The following MEI4 variants were observed in gnomAD, a reference collection of about 807,000 sequenced individuals.
MEI4 encodes meiosis-specific protein MEI4.
In MEI4, 27 loss-of-function variants were observed where a neutral mutation model predicts 31.4. The ratio of observed to expected loss-of-function variants is 0.86; its 90% CI spans 0.63 to 1.19. The LOEUF is 1.19. MEI4 is among the 50% of genes most tolerant of loss of function. The pLI, the probability that MEI4 is intolerant of heterozygous loss-of-function variation, is 0.00. For synonymous variants in MEI4, 122 were observed against 145.4 expected, an observed-to-expected ratio of 0.84 and a Z score of 1.16; for missense variants, 329 against 398.9, an observed-to-expected ratio of 0.82 and a Z score of 1.49.
intron 1 of MEI4, among the ~76,000 whole-genome samples, chr6:77,681,670 A>C (rs1393759393): frequency 1.3e-5 from 2 of 152,204 alleles, no homozygotes; most frequent in Non-Finnish European, 2.9e-5. Flanking sequence ...TGAAATCAAA[A>C]GGTGTGGGAT....
intron 1 of MEI4, among the ~76,000 whole-genome samples, chr6:77,688,432 T>C (rs1769096214): frequency 6.6e-6 from 1 of 152,110 alleles, no homozygotes; most frequent in Non-Finnish European, 1.5e-5. Context: ...CTGACCTTGA[T>C]ATAGTTACAA....
chr6:77,841,314 CAT>C (rs1315994932), intron 4 of MEI4, among the ~76,000 whole-genome samples: 24 of 51,888 alleles, frequency 4.6e-4, no homozygotes, highest in African/African-American at 2.0e-3. Context: ...CAAATGTGTG[CAT>C]ATATATATAT....
intron 4 of MEI4, among the ~76,000 whole-genome samples, chr6:77,860,549 A>G (rs1770840051): frequency 6.6e-6 from 1 of 152,174 alleles, no homozygotes; most frequent in African/African-American, 2.4e-5. Context: ...TTCCAAGCTC[A>G]CACTTTCTGA....
chr6:77,866,104 C>G (rs193188363), intron 4 of MEI4, among the ~76,000 whole-genome samples: 17 of 151,410 alleles, frequency 1.1e-4, no homozygotes, highest in South Asian at 1.0e-3. Context: ...CTATCTATGA[C>G]AAACCCACAG....
At chr6:77,821,250 T>A (rs1276313805) in intron 3 of MEI4, among the ~76,000 whole-genome samples, 1 of 152,192 alleles carries the variant, frequency 6.6e-6, no homozygotes, top group Non-Finnish European at 1.5e-5. Flanking sequence ...GTCCAATTTT[T>A]AAAAATTTTT....
At chr6:77,885,506 T>C (rs1447734769) in intron 4 of MEI4, among the ~76,000 whole-genome samples, 2 of 152,168 alleles carry the variant, frequency 1.3e-5, no homozygotes, top group African/African-American at 4.8e-5. Flanking sequence ...TAGTGACTTT[T>C]GTACATTGAT....
chr6:77,911,598 G>C (rs1274872582), intron 4 of MEI4, among the ~76,000 whole-genome samples: 1 of 151,626 alleles, frequency 6.6e-6, no homozygotes, highest in Admixed American at 6.6e-5. Context: ...AATTTGCTTA[G>C]GTAATGGCCT....
At chr6:77,696,991 T>G (rs896843892) in intron 2 of MEI4, among the ~76,000 whole-genome samples, 1 of 152,230 alleles carries the variant, frequency 6.6e-6, no homozygotes, top group Non-Finnish European at 1.5e-5. Flanking sequence ...TGGTTTAGTC[T>G]TGGGAGAGTG....
intron 2 of MEI4, among the ~76,000 whole-genome samples, chr6:77,699,195 T>A (rs1766140933): frequency 1.4e-5 from 2 of 144,914 alleles, no homozygotes; most frequent in Admixed American, 6.9e-5. Context: ...GTTTCTTTTT[T>A]TTTTTTTTTT....
intron 2 of MEI4, among the ~76,000 whole-genome samples, chr6:77,726,683 G>A (rs1766830741): frequency 6.6e-6 from 1 of 152,172 alleles, no homozygotes; most frequent in Non-Finnish European, 1.5e-5. Flanking sequence ...TTGTGTGTGG[G>A]ATGTAGGAGA....
At chr6:77,756,822 T>C (rs1052030334) in intron 2 of MEI4, among the ~76,000 whole-genome samples, 4 of 152,288 alleles carry the variant, frequency 2.6e-5, no homozygotes, top group African/African-American at 9.6e-5. Context: ...AGACCTGTTA[T>C]AGCCCACAGC....
intron 3 of MEI4, among the ~76,000 whole-genome samples, chr6:77,827,240 G>A (rs1446795362): frequency 1.3e-5 from 2 of 151,340 alleles, no homozygotes; most frequent in African/African-American, 2.4e-5. Flanking sequence ...GGTGCCTGTA[G>A]TCCCAGCTAC....
At chr6:77,899,276 T>G (rs978526117) in intron 4 of MEI4, among the ~76,000 whole-genome samples, 3 of 152,038 alleles carry the variant, frequency 2.0e-5, no homozygotes, top group Non-Finnish European at 4.4e-5. Flanking sequence ...ACTGATCCAT[T>G]GCCACCTGGA....
chr6:77,662,184 C>T (rs1252224284), intron 1 of MEI4, among the ~76,000 whole-genome samples: 1 of 152,152 alleles, frequency 6.6e-6, no homozygotes, highest in Non-Finnish European at 1.5e-5. Context: ...ACTAGTTCGG[C>T]TTGCTGAGAG....
intron 4 of MEI4, among the ~76,000 whole-genome samples, chr6:77,901,684 G>C (rs986984217): frequency 3.3e-5 from 5 of 151,738 alleles, no homozygotes; most frequent in African/African-American, 1.2e-4. Context: ...TCTGTTTATT[G>C]TTTCCTTGGC....
intron 1 of MEI4, among the ~76,000 whole-genome samples, chr6:77,664,539 A>G (rs1467180170): frequency 1.3e-5 from 2 of 152,090 alleles, no homozygotes; most frequent in Non-Finnish European, 2.9e-5. Context: ...GGGAGGCGAT[A>G]AAAAGATTAT....
intron 2 of MEI4, among the ~76,000 whole-genome samples, chr6:77,732,611 C>A (rs1199728757): frequency 7.3e-6 from 1 of 137,546 alleles, no homozygotes; most frequent in South Asian, 2.2e-4. Context: ...TAATTGAATA[C>A]CCTTTATTTC....
intron 3 of MEI4, among the ~76,000 whole-genome samples, chr6:77,788,221 C>T (rs978507581): frequency 6.6e-6 from 1 of 152,180 alleles, no homozygotes. Context: ...GCTAAAAACT[C>T]TCAATAAATT....
rs1769063825 is a variant in MEI4 at position 77,686,864 on chromosome 6, G to T, written c.-14-3794G>T. ...ATTCCCACCAGTCTTGAATAGGAAT[G>T]GTCTGTGGCTCTTTTTTTTTGTAGA... On this transcript the variant is annotated intron_variant, in intron 1 of 4. Transcript: ENST00000684080. Among the ~76,000 whole-genome samples the T allele has an allele frequency of 3.2e-5, 3 of 92,880 alleles. No individual in the cohort carries two copies. In the South Asian group the frequency reaches 1.2e-3, roughly 37 times the overall value. The allele number at this position is 92,880 out of a possible 152,430, so 60.9% of individuals were successfully genotyped here. A position where few individuals can be genotyped will look rare whatever the true frequency, so the allele number is the denominator to read the frequency against.
Sources: allele counts gnomAD v4.1 joint callset (sites outside exome capture counted in the v4.1 genomes callset), GRCh38; gene constraint gnomAD v4.1.1; transcripts MANE v1.5; gene names NCBI Gene and HGNC (gene_info 2026-07-23, HGNC 2026-07-21).